HIVEP3: variants seen among roughly 807,000 people sequenced by gnomAD.
HIVEP3 encodes HIVEP zinc finger 3, also known as transcription factor HIVEP3.
Under a neutral mutation model 152.8 loss-of-function variants are expected in HIVEP3, and 49 were observed. The observed-to-expected ratio is 0.32, with a 90% confidence interval of 0.26 to 0.41. The LOEUF is 0.41. Among genes scored for constraint, HIVEP3 ranks in the 10% least tolerant of loss-of-function variants. HIVEP3 has a pLI of 1.00. For missense variants in HIVEP3, 2,790 were observed against 3,103.3 expected (o/e 0.90, Z 2.40); for synonymous variants, 1,269 against 1,289.0 (o/e 0.98, Z 0.33).
intron 2 of HIVEP3, among the ~76,000 whole-genome samples, chr1:41,654,046 A>G (rs1246981002): frequency 6.7e-6 from 1 of 148,172 alleles, no homozygotes; most frequent in Non-Finnish European, 1.5e-5. Flanking sequence ...CCTTGCACCT[A>G]CTCCTTCCCA....
intron 1 of HIVEP3, among the ~76,000 whole-genome samples, chr1:42,005,000 G>A (rs1426402741): frequency 2.6e-5 from 4 of 152,140 alleles, no homozygotes; most frequent in Admixed American, 1.3e-4. Context: ...GTTTCAGAGG[G>A]GACAGGAAAT....
At chr1:41,525,476 C>G in intron 5 of HIVEP3, among the ~76,000 whole-genome samples, 1 of 152,160 alleles carries the variant, frequency 6.6e-6, no homozygotes, top group East Asian at 1.9e-4. Context: ...AGGCTTTGAA[C>G]CTGCCTGCCC....
chr1:41,861,298 G>T (rs553733533), intron 1 of HIVEP3, among the ~76,000 whole-genome samples: 12 of 152,306 alleles, frequency 7.9e-5, no homozygotes, highest in Middle Eastern at 3.4e-3. Context: ...ACCAGGCCAA[G>T]CACTAGGGTT....
intron 1 of HIVEP3, among the ~76,000 whole-genome samples, chr1:41,970,858 T>A (rs1250000914): frequency 1.3e-5 from 2 of 152,128 alleles, no homozygotes; most frequent in Middle Eastern, 3.2e-3. Context: ...AAGGAACATC[T>A]AGGGCTACCA....
At position 41,754,023 on chromosome 1, in the gene HIVEP3, T is replaced by C. The variant is rs527953068; in HGVS notation, c.-800-53028A>G. On this transcript the variant is annotated intron_variant, in intron 1 of 8. Transcript: ENST00000372583. ...GGAAGGTGAGGAAGTGAGTGAGCTC[T>C]GTGGACAGCTGAGGAAGACATTCTG... Among the ~76,000 whole-genome samples the C allele has an allele frequency of 1.5e-4, 23 of 151,420 alleles. No individual in the cohort carries two copies. The South Asian group carries it at 4.4e-3, about 29-fold the overall frequency.
At chr1:41,680,837 G>A (rs1024081590) in intron 2 of HIVEP3, among the ~76,000 whole-genome samples, 1 of 152,096 alleles carries the variant, frequency 6.6e-6, no homozygotes, top group Non-Finnish European at 1.5e-5. Flanking sequence ...AAAATAAAAC[G>A]GTATATGGCA....
intron 5 of HIVEP3, among the ~76,000 whole-genome samples, chr1:41,545,424 A>G (rs1246339186): frequency 2.2e-5 from 3 of 133,682 alleles, no homozygotes; most frequent in Non-Finnish European, 4.8e-5. Context: ...CATCGCTACA[A>G]TCACCACCAC....
At chr1:41,957,047 G>C (rs918121396) in intron 1 of HIVEP3, among the ~76,000 whole-genome samples, 2 of 152,122 alleles carry the variant, frequency 1.3e-5, no homozygotes, top group African/African-American at 4.8e-5. Flanking sequence ...ATTAATATAT[G>C]AAATGAATTA....
intron 5 of HIVEP3, among the ~76,000 whole-genome samples, chr1:41,539,909 T>C (rs1261593658): frequency 6.6e-6 from 1 of 152,250 alleles, no homozygotes; most frequent in Non-Finnish European, 1.5e-5. Flanking sequence ...ACAGAAATTA[T>C]ATCGTAGAAA....
At chr1:41,915,124 C>G (rs1053141938) in intron 1 of HIVEP3, among the ~76,000 whole-genome samples, 13 of 118,850 alleles carry the variant, frequency 1.1e-4, no homozygotes, top group Non-Finnish European at 1.7e-5. Flanking sequence ...AGTTTTTTCT[C>G]TAAGAATCAT....
chr1:41,932,101 G>A (rs1406683046), intron 1 of HIVEP3, among the ~76,000 whole-genome samples: 1 of 151,702 alleles, frequency 6.6e-6, no homozygotes, highest in Non-Finnish European at 1.5e-5. Context: ...CCCTTTTTGA[G>A]GTTAAGAAAA....
intron 2 of HIVEP3, among the ~76,000 whole-genome samples, chr1:41,643,916 T>C (rs1263798694): frequency 9.8e-6 from 1 of 101,572 alleles, no homozygotes; most frequent in Non-Finnish European, 2.0e-5. Flanking sequence ...TGACAGGGTC[T>C]GGCTCTGTTG....
At chr1:41,847,691 G>A (rs569951704) in intron 1 of HIVEP3, 2 of 152,420 alleles carry the variant, frequency 1.3e-5, no homozygotes, top group Non-Finnish European at 2.9e-5. Context: ...AGAGTAGAAC[G>A]CTGAGCTGAG....
intron 1 of HIVEP3, among the ~76,000 whole-genome samples, chr1:41,812,921 C>T (rs1007244034): frequency 1.3e-5 from 2 of 150,856 alleles, no homozygotes; most frequent in African/African-American, 4.9e-5. Flanking sequence ...CAGAGCCAAG[C>T]GCTTTCTGGA....
At chr1:41,855,482 A>G (rs1643738094) in intron 1 of HIVEP3, among the ~76,000 whole-genome samples, 1 of 152,108 alleles carries the variant, frequency 6.6e-6, no homozygotes, top group African/African-American at 2.4e-5. Context: ...CAGAATCTAC[A>G]ATGAACTCAA....
At chr1:41,866,881 C>T (rs114199982) in intron 1 of HIVEP3, among the ~76,000 whole-genome samples, 4,462 of 152,332 alleles carry the variant, frequency 0.029, 96 homozygotes, top group Non-Finnish European at 0.048. Context: ...CAGCTCAATG[C>T]CCATGTCCTG....
intron 1 of HIVEP3, among the ~76,000 whole-genome samples, chr1:41,806,790 A>C (rs969849421): frequency 6.6e-6 from 1 of 152,162 alleles, no homozygotes; most frequent in African/African-American, 2.4e-5. Flanking sequence ...GGGGCATCTC[A>C]GGACGACTCC....
rs182931298 is a variant in HIVEP3, at chr1:41,744,906, G to A, written c.-800-43911C>T. ...AGTAGAAGGCAGGGGGCAGGGGGAA[G>A]GGTGGGAGAGGAAGGTCTCTGATTA... On this transcript the variant is annotated intron_variant, in intron 1 of 8. Transcript: ENST00000372583. 4.6e-3 allele frequency among the ~76,000 whole-genome samples: 704 copies of A among 152,338 alleles called. 6 individuals carry two copies. The highest frequency in any genetic ancestry group is 3.5e-3 in the Non-Finnish European group (240 of 68,038).
intron 2 of HIVEP3, among the ~76,000 whole-genome samples, chr1:41,663,781 A>G (rs889712154): frequency 7.2e-5 from 11 of 152,172 alleles, no homozygotes; most frequent in Non-Finnish European, 1.3e-4. Context: ...ACACTCACGT[A>G]CACGATTGCA....
Sources: gnomAD v4.1 joint callset for allele counts (sites outside exome capture counted in the v4.1 genomes callset) on GRCh38, gnomAD v4.1.1 for gene constraint, MANE v1.5 for transcripts, NCBI Gene and HGNC (gene_info 2026-07-23, HGNC 2026-07-21) for gene names.